Variants in STAC observed in about 807,000 individuals in gnomAD.
STAC encodes SH3 and cysteine-rich domain-containing protein.
In STAC, 43 loss-of-function variants were observed where a neutral mutation model predicts 48.8. The observed-to-expected ratio is 0.88, with a 90% CI of 0.69 to 1.14. The LOEUF (loss-of-function observed/expected upper bound fraction) is 1.14, where lower values mean the gene tolerates loss of function less well. Ranked by LOEUF, STAC falls within the 50% of genes most tolerant of loss-of-function variation. The pLI, the probability that STAC is intolerant of heterozygous loss-of-function variation, is 0.00. For synonymous variants in STAC, 193 were observed against 179.5 expected (o/e 1.07, Z -0.60); for missense variants, 497 against 504.0 (o/e 0.99, Z 0.13).
chr3:36,411,189 A>T (rs1383552363), intron 1 of STAC, among the ~76,000 whole-genome samples: 2 of 152,306 alleles, frequency 1.3e-5, no homozygotes, highest in Middle Eastern at 3.4e-3. Flanking sequence ...TTTCCAGAAC[A>T]TACCACTTCT....
chr3:36,438,908 T>G (rs1696233575), intron 1 of STAC, among the ~76,000 whole-genome samples: 1 of 152,238 alleles, frequency 6.6e-6, no homozygotes, highest in South Asian at 2.1e-4. Context: ...TTTCCTTTGA[T>G]AAACAGGGCA....
chr3:36,479,255 C>T (rs1271495484), intron 2 of STAC, among the ~76,000 whole-genome samples: 2 of 152,086 alleles, frequency 1.3e-5, no homozygotes, highest in Admixed American at 1.3e-4. Flanking sequence ...TTCTGGGTTG[C>T]AAATCTTTTT....
At chr3:36,501,369 ATAGAT>A (rs1025143319) in intron 6 of STAC, among the ~76,000 whole-genome samples, 81 of 152,280 alleles carry the variant, frequency 5.3e-4, no homozygotes, top group African/African-American at 1.9e-3. Flanking sequence ...AATTACAAAG[ATAGAT>A]CAATAAATCT....
chr3:36,512,190 G>A (rs1228049200), intron 8 of STAC, among the ~76,000 whole-genome samples: 1 of 152,150 alleles, frequency 6.6e-6, no homozygotes, highest in East Asian at 1.9e-4. Context: ...ACTGGCTGAA[G>A]TTGTAAATAT....
chr3:36,406,009 C>A (rs1306998127), intron 1 of STAC, among the ~76,000 whole-genome samples: 1 of 152,332 alleles, frequency 6.6e-6, no homozygotes, highest in East Asian at 1.9e-4. Context: ...ACGCATGAGC[C>A]ACAACAACTA....
intron 1 of STAC, among the ~76,000 whole-genome samples, chr3:36,397,093 T>C (rs1293102284): frequency 6.6e-6 from 1 of 152,202 alleles, no homozygotes; most frequent in Non-Finnish European, 1.5e-5. Flanking sequence ...TTTTGTCTTT[T>C]AGTGTTTTGT....
intron 1 of STAC, among the ~76,000 whole-genome samples, chr3:36,388,837 T>C (rs548513570): frequency 2.8e-4 from 42 of 152,318 alleles, no homozygotes; most frequent in African/African-American, 9.9e-4. Flanking sequence ...TGTAACTTTA[T>C]TTTTGCACTT....
intron 8 of STAC, among the ~76,000 whole-genome samples, chr3:36,527,904 G>A (rs1166497421): frequency 6.6e-6 from 1 of 152,094 alleles, no homozygotes; most frequent in Non-Finnish European, 1.5e-5. Flanking sequence ...ATAAAAGATG[G>A]CAGACAGGAA....
At chr3:36,426,823 C>A (rs1490939909) in intron 1 of STAC, among the ~76,000 whole-genome samples, 1 of 151,608 alleles carries the variant, frequency 6.6e-6, no homozygotes, top group African/African-American at 2.4e-5. Context: ...TCATCACACT[C>A]TTCTAACATG....
chr3:36,388,269 T>C (rs1699666834), intron 1 of STAC, among the ~76,000 whole-genome samples: 1 of 152,162 alleles, frequency 6.6e-6, no homozygotes, highest in South Asian at 2.1e-4. Context: ...GGGTTATTTT[T>C]CATGCCTTTT....
chr3:36,478,519 G>T (rs1260155219), intron 2 of STAC, among the ~76,000 whole-genome samples: 1 of 152,032 alleles, frequency 6.6e-6, no homozygotes, highest in Non-Finnish European at 1.5e-5. Context: ...TATTGAGACG[G>T]AATCTCACTC....
At chr3:36,541,434 T>C (rs1250556047) in intron 10 of STAC, among the ~76,000 whole-genome samples, 1 of 152,204 alleles carries the variant, frequency 6.6e-6, no homozygotes, top group Non-Finnish European at 1.5e-5. Flanking sequence ...GTTTTAGTTA[T>C]CCTAGAACAG....
chr3:36,534,886 G>A (rs1465758632), intron 10 of STAC, among the ~76,000 whole-genome samples: 1 of 151,960 alleles, frequency 6.6e-6, no homozygotes, highest in Admixed American at 6.6e-5. Flanking sequence ...GGCTGGTCTC[G>A]AAGTCCTAGA....
intron 2 of STAC, among the ~76,000 whole-genome samples, chr3:36,469,361 TA>T: frequency 6.6e-6 from 1 of 152,266 alleles, no homozygotes; most frequent in East Asian, 1.9e-4. Context: ...TTTTGCTGGA[TA>T]AAAAATTACT....
At chr3:36,539,025 A>G (rs1330791421) in intron 10 of STAC, among the ~76,000 whole-genome samples, 5 of 151,960 alleles carry the variant, frequency 3.3e-5, no homozygotes, top group Non-Finnish European at 4.4e-5. Context: ...ACACTTCTCT[A>G]TCTCTCTCTG....
intron 1 of STAC, among the ~76,000 whole-genome samples, chr3:36,433,958 A>C (rs891125835): frequency 4.6e-5 from 7 of 152,270 alleles, no homozygotes; most frequent in African/African-American, 1.7e-4. Flanking sequence ...AAAGCAAATC[A>C]GTACCTGGAA....
At chr3:36,398,433 AAGGAAGG>A (rs1699917771) in intron 1 of STAC, among the ~76,000 whole-genome samples, 1 of 68,852 alleles carries the variant, frequency 1.5e-5, no homozygotes, top group African/African-American at 5.5e-5. Flanking sequence ...GGAAGGAAGG[AAGGAAGG>A]AAGGAAGGAA....
chr3:36,439,469 C>G (rs537183271), intron 1 of STAC, among the ~76,000 whole-genome samples: 17 of 152,288 alleles, frequency 1.1e-4, no homozygotes, highest in Non-Finnish European at 2.1e-4. Flanking sequence ...ATTGAATCAT[C>G]TGAACTCAGT....
At chr3:36,408,639 G>A (rs1293019191) in intron 1 of STAC, among the ~76,000 whole-genome samples, 2 of 152,194 alleles carry the variant, frequency 1.3e-5, no homozygotes, top group East Asian at 1.9e-4. Context: ...ACACATACAA[G>A]AGAAAATGCC....
Sources: allele counts gnomAD v4.1 joint callset (sites outside exome capture counted in the v4.1 genomes callset), GRCh38; gene constraint gnomAD v4.1.1; transcripts MANE v1.5; gene names NCBI Gene and HGNC (gene_info 2026-07-23, HGNC 2026-07-21).